ESCO2: variants seen among roughly 807,000 people sequenced by gnomAD.
The protein encoded by ESCO2 is N-acetyltransferase ESCO2.
In ESCO2, 51 loss-of-function variants were observed where a neutral mutation model predicts 61.7. That is an observed-to-expected ratio of 0.83 (90% CI 0.66 to 1.04). The LOEUF (loss-of-function observed/expected upper bound fraction) is 1.04, where lower values mean the gene tolerates loss of function less well. Among genes scored for constraint, ESCO2 ranks in the 50% least tolerant of loss-of-function variants. The probability of loss-of-function intolerance (pLI) is 0.00; values close to 1 mark genes in which losing one functional copy is unlikely to be tolerated. For missense variants in ESCO2, 692 were observed against 686.2 expected (o/e 1.01, Z -0.09); for synonymous variants, 230 against 238.2 (o/e 0.97, Z 0.32).
chr8:27,819,510 T>C, the ESCO2 span, among the ~76,000 whole-genome samples: 1 of 152,140 alleles, frequency 6.6e-6, no homozygotes, highest in Non-Finnish European at 1.5e-5. Context: ...TTTGGAGTTT[T>C]TGTTTCCTAT....
downstream of ESCO2, among the ~76,000 whole-genome samples, chr8:27,809,113 C>T (rs979997738): frequency 1.3e-5 from 2 of 152,190 alleles, no homozygotes; most frequent in Admixed American, 6.5e-5. Flanking sequence ...AAAGAATGCC[C>T]TGGAGAAGCT....
chr8:27,817,417 TC>T (rs751589585), downstream of ESCO2, among the ~76,000 whole-genome samples: 9 of 152,094 alleles, frequency 5.9e-5, no homozygotes, highest in South Asian at 1.4e-3. Context: ...AGTTTGGAAA[TC>T]TGCATTTAAA....
chr8:27,810,551 G>A (rs1469025299), downstream of ESCO2: 1 of 1,181,960 alleles, frequency 8.5e-7, no homozygotes. Flanking sequence ...TTTATGTCAT[G>A]GAAAAGTTTA....
At chr8:27,782,067 C>T (rs1038959348) in intron 4 of ESCO2, among the ~76,000 whole-genome samples, 5 of 152,072 alleles carry the variant, frequency 3.3e-5, no homozygotes, top group East Asian at 1.9e-4. Flanking sequence ...GCCAGCTGGA[C>T]GTTGATATTT....
At chr8:27,772,958 T>C (rs560522276), upstream of ESCO2, among the ~76,000 whole-genome samples, 26 of 152,178 alleles carry the variant, frequency 1.7e-4, no homozygotes, top group Non-Finnish European at 3.4e-4. Flanking sequence ...AATATGCCTC[T>C]TGGGGATTGG....
chr8:27,799,862 A>G (rs1805386576), intron 10 of ESCO2, 146 bp downstream of exon 10: 1 of 955,398 alleles, frequency 1.0e-6, no homozygotes, highest in Non-Finnish European at 1.6e-6. Flanking sequence ...TATTGGTACT[A>G]GAAAAACCAT....
chr8:27,785,373 A>G (rs1805016213), intron 5 of ESCO2, among the ~76,000 whole-genome samples: 1 of 152,224 alleles, frequency 6.6e-6, no homozygotes, highest in African/African-American at 2.4e-5. Flanking sequence ...GCCTACCACA[A>G]TTAACTGATA....
rs1340630573 is a variant in ESCO2 at position 27,804,390 on chromosome 8, T to A, written c.*952T>A. ...TGTTTTCATTTTCTAATTTTTTGCTTGTTTAAAATGCACCTTACTTGTTCT... is the reference window on the plus strand; with the variant it reads ...TGTTTTCATTTTCTAATTTTTTGCTAGTTTAAAATGCACCTTACTTGTTCT... On this transcript the variant is annotated 3_prime_UTR_variant, in exon 11 of 11. Coordinates refer to ENST00000305188, the MANE Select transcript of ESCO2 (RefSeq NM_001017420.3). The A allele has an allele frequency of 1.0e-6, 1 of 985,328 alleles. No homozygotes were observed. Among genetic ancestry groups the A allele is most frequent in the Non-Finnish European group, 1.2e-6 (1 of 829,938 alleles). The allele number at this position is 985,328 out of a possible 1,614,324, so 61.0% of individuals were successfully genotyped here.
At chr8:27,817,392 A>G (rs943082427), downstream of ESCO2, among the ~76,000 whole-genome samples, 18 of 152,120 alleles carry the variant, frequency 1.2e-4, no homozygotes, top group African/African-American at 4.3e-4. Flanking sequence ...CTTCTGGTAG[A>G]ACCTTTCAGA....
chr8:27,775,066 C>T (rs1056084642), intron 1 of ESCO2, among the ~76,000 whole-genome samples: 1 of 152,196 alleles, frequency 6.6e-6, no homozygotes, highest in Non-Finnish European at 1.5e-5. Context: ...TCTGACGAGC[C>T]ACGTAGCCGC....
At chr8:27,811,560 C>G (rs1805684596), downstream of ESCO2, among the ~76,000 whole-genome samples, 1 of 151,834 alleles carries the variant, frequency 6.6e-6, no homozygotes. Context: ...TCCATGATTG[C>G]TATGTCAAGG....
At chr8:27,819,602 G>GT in the ESCO2 span, among the ~76,000 whole-genome samples, 4 of 152,076 alleles carry the variant, frequency 2.6e-5, no homozygotes, top group South Asian at 6.2e-4. Context: ...ATAATTCGAA[G>GT]TTTTTTTGTG....
At position 27,803,689 on chromosome 8, in the gene ESCO2, T is replaced by C; in HGVS notation, c.*251T>C. 7.9e-7 allele frequency: 1 copy of C among 1,259,792 alleles called. No homozygotes were observed. The highest frequency in any genetic ancestry group is 2.0e-5 in the South Asian group (1 of 49,318). The allele number at this position is 1,259,792 out of a possible 1,614,324, so 78.0% of individuals were successfully genotyped here. Reference sequence around the variant, plus strand: ...GTGATTCCCTGATTAGCACTCTGAATGTTTAATTATGAAACTTTGTAGCTA... The same window carrying C: ...GTGATTCCCTGATTAGCACTCTGAACGTTTAATTATGAAACTTTGTAGCTA... On this transcript the variant is annotated 3_prime_UTR_variant, in exon 11 of 11. Coordinates refer to ENST00000305188, the MANE Select transcript of ESCO2 (RefSeq NM_001017420.3).
At chr8:27,805,287 CAAAAAAAAAAAAAAAAAAAA>C (rs869039051) in exon 11 of ESCO2, 1 of 46,022 alleles carries the variant, frequency 2.2e-5, no homozygotes, top group Middle Eastern at 0.019. Context: ...GACTCCGTCT[CAAAAAAAAAAAAAAAAAAAA>C]AAAAAAAAAA....
At chr8:27,774,113 G>A (rs1841311), upstream of ESCO2, among the ~76,000 whole-genome samples, 87,141 of 152,064 alleles carry the variant, frequency 0.57, 25,706 homozygotes, top group East Asian at 0.98. Flanking sequence ...AAGTGAAACT[G>A]ACAATGAAGC....
At chr8:27,773,238 C>T (rs1249798941), upstream of ESCO2, among the ~76,000 whole-genome samples, 2 of 152,184 alleles carry the variant, frequency 1.3e-5, no homozygotes, top group Non-Finnish European at 2.9e-5. Flanking sequence ...CTGCTTCTGC[C>T]ACAGGTAGCT....
intron 10 of ESCO2, among the ~76,000 whole-genome samples, chr8:27,802,636 T>C (rs1256307548): frequency 2.0e-5 from 1 of 49,232 alleles, no homozygotes; most frequent in Non-Finnish European, 3.6e-5. Flanking sequence ...AAAAAATATA[T>C]ATATATATAT....
At chr8:27,775,027 T>C (rs1410633469) in intron 1 of ESCO2, among the ~76,000 whole-genome samples, 4 of 152,188 alleles carry the variant, frequency 2.6e-5, no homozygotes, top group Non-Finnish European at 5.9e-5. Flanking sequence ...GGAATTTCCC[T>C]GATCCCAGGG....
chr8:27,781,179 C>T (rs1165324107), intron 4 of ESCO2, among the ~76,000 whole-genome samples: 3 of 152,126 alleles, frequency 2.0e-5, no homozygotes, highest in Non-Finnish European at 4.4e-5. Flanking sequence ...TACAGTTTAT[C>T]ATTTAATTCT....
Sources: allele counts gnomAD v4.1 joint callset (sites outside exome capture counted in the v4.1 genomes callset), GRCh38; gene constraint gnomAD v4.1.1; transcripts MANE v1.5; gene names NCBI Gene and HGNC (gene_info 2026-07-23, HGNC 2026-07-21).